The following EFNA5 variants were observed in gnomAD, a reference collection of about 807,000 sequenced individuals.
EFNA5 encodes ephrin-A5.
A neutral mutation model predicts 22.9 loss-of-function variants in EFNA5; 5 were observed. The ratio of observed to expected loss-of-function variants is 0.22; its 90% CI spans 0.11 to 0.46. The LOEUF (loss-of-function observed/expected upper bound fraction) is 0.46, where lower values mean the gene tolerates loss of function less well. Ranked by LOEUF, EFNA5 falls within the 20% of genes least tolerant of loss-of-function variation. The pLI is 0.99. For synonymous variants in EFNA5, 113 were observed against 112.2 expected, an observed-to-expected ratio of 1.01 and a Z score of -0.04; for missense variants, 237 against 293.3, an observed-to-expected ratio of 0.81 and a Z score of 1.40.
intron 1 of EFNA5, among the ~76,000 whole-genome samples, chr5:107,456,151 C>T (rs1202180818): frequency 6.6e-6 from 1 of 152,038 alleles, no homozygotes; most frequent in African/African-American, 2.4e-5. Flanking sequence ...TAATTAAGAG[C>T]TCTGGGGTGA....
intron 1 of EFNA5, among the ~76,000 whole-genome samples, chr5:107,507,520 A>G (rs1321600729): frequency 2.0e-5 from 3 of 152,172 alleles, no homozygotes; most frequent in Admixed American, 2.0e-4. Flanking sequence ...GAATGCAGGA[A>G]TGGATGAAGG....
At chr5:107,642,687 G>T (rs1306056013) in intron 1 of EFNA5, among the ~76,000 whole-genome samples, 5 of 152,110 alleles carry the variant, frequency 3.3e-5, no homozygotes, top group African/African-American at 1.2e-4. Context: ...GTAGAAGATG[G>T]TATGAGGAGA....
chr5:107,401,998 A>C (rs1025999047), intron 2 of EFNA5, among the ~76,000 whole-genome samples: 1 of 152,222 alleles, frequency 6.6e-6, no homozygotes, highest in Non-Finnish European at 1.5e-5. Flanking sequence ...CACTGCTGTG[A>C]GGTTTTGACT....
At chr5:107,638,624 G>A (rs187950332) in intron 1 of EFNA5, among the ~76,000 whole-genome samples, 8 of 152,146 alleles carry the variant, frequency 5.3e-5, no homozygotes, top group Non-Finnish European at 1.0e-4. Flanking sequence ...AGTAACCTGG[G>A]GATGATCTAG....
intron 1 of EFNA5, among the ~76,000 whole-genome samples, chr5:107,496,354 C>CAA (rs1161571717): frequency 1.6e-5 from 2 of 121,762 alleles, no homozygotes; most frequent in African/African-American, 6.5e-5. Context: ...AAAAAAAAAA[C>CAA]AAAAAAACAA....
At chr5:107,457,158 T>C (rs1219500396) in intron 1 of EFNA5, among the ~76,000 whole-genome samples, 1 of 152,170 alleles carries the variant, frequency 6.6e-6, no homozygotes, top group Non-Finnish European at 1.5e-5. Context: ...AGATGTAAAG[T>C]GTGTGAATTT....
chr5:107,422,347 A>C (rs1206624075), intron 2 of EFNA5, among the ~76,000 whole-genome samples: 1 of 152,256 alleles, frequency 6.6e-6, no homozygotes, highest in Non-Finnish European at 1.5e-5. Flanking sequence ...AAGCAGGAAC[A>C]GCTGTGAACA....
At chr5:107,607,496 C>T (rs539311329) in intron 1 of EFNA5, among the ~76,000 whole-genome samples, 33 of 152,232 alleles carry the variant, frequency 2.2e-4, no homozygotes, top group African/African-American at 7.7e-4. Context: ...ACCTTTAAAA[C>T]GAATTATATT....
intron 1 of EFNA5, among the ~76,000 whole-genome samples, chr5:107,584,332 C>T (rs550304165): frequency 2.0e-5 from 3 of 152,250 alleles, no homozygotes; most frequent in African/African-American, 7.2e-5. Flanking sequence ...CCTCTAAACG[C>T]CAAGGAGGCA....
Position 107,606,538 on chromosome 5 carries a change from A to ACC in EFNA5, c.125+63950_125+63951insGG, listed in dbSNP as rs1337614044. 2.7e-4 allele frequency among the ~76,000 whole-genome samples: 39 copies of ACC among 144,190 alleles called. No individual in the cohort carries two copies. The East Asian group carries it at 7.5e-3, about 28-fold the overall frequency. The allele number at this position is 144,190 out of a possible 152,430, so 94.6% of individuals were successfully genotyped here. On this transcript the variant is annotated intron_variant, in intron 1 of 4. Transcript: ENST00000333274. ...ATCATAGACACACACTTGCACGTAC[A>ACC]ACACACACACACACACACACACACA... is the stretch of plus-strand genomic sequence containing the variant.
At chr5:107,597,387 A>G (rs987894985) in intron 1 of EFNA5, among the ~76,000 whole-genome samples, 2 of 152,150 alleles carry the variant, frequency 1.3e-5, no homozygotes, top group Non-Finnish European at 1.5e-5. Context: ...TTACTTGGAA[A>G]TGGATTCATC....
At chr5:107,436,615 T>C (rs544949503) in intron 1 of EFNA5, among the ~76,000 whole-genome samples, 5 of 152,230 alleles carry the variant, frequency 3.3e-5, no homozygotes, top group African/African-American at 9.6e-5. Flanking sequence ...GTACTTCAGG[T>C]CTTAAGCCAG....
chr5:107,585,296 T>A (rs1051155679), intron 1 of EFNA5, among the ~76,000 whole-genome samples: 5 of 152,222 alleles, frequency 3.3e-5, no homozygotes, highest in African/African-American at 1.2e-4. Flanking sequence ...GACCCTCTCA[T>A]AGGCACCCAG....
intron 1 of EFNA5, among the ~76,000 whole-genome samples, chr5:107,445,396 G>A (rs1056928897): frequency 2.0e-5 from 3 of 152,146 alleles, no homozygotes; most frequent in Non-Finnish European, 4.4e-5. Flanking sequence ...GAGCACATAT[G>A]TGCTCTATTG....
At chr5:107,580,721 C>CAAAAA (rs56868732) in intron 1 of EFNA5, among the ~76,000 whole-genome samples, 46 of 82,788 alleles carry the variant, frequency 5.6e-4, no homozygotes, top group East Asian at 1.2e-3. Context: ...GACTCCATCT[C>CAAAAA]AAAAAAAAAA....
At chr5:107,530,579 A>C (rs984053088) in intron 1 of EFNA5, among the ~76,000 whole-genome samples, 3 of 152,252 alleles carry the variant, frequency 2.0e-5, no homozygotes, top group Non-Finnish European at 4.4e-5. Context: ...AAATATTGAA[A>C]AATTTGGAAA....
chr5:107,659,023 CTG>C (rs1410632158), intron 1 of EFNA5, among the ~76,000 whole-genome samples: 2 of 152,086 alleles, frequency 1.3e-5, no homozygotes, highest in African/African-American at 4.8e-5. Flanking sequence ...ATTTTATACT[CTG>C]TAATATAATT....
intron 1 of EFNA5, among the ~76,000 whole-genome samples, chr5:107,524,629 T>C (rs1269967875): frequency 1.3e-5 from 2 of 152,202 alleles, no homozygotes; most frequent in South Asian, 2.1e-4. Flanking sequence ...TGTGAAGTTA[T>C]TTGCTTCACT....
At chr5:107,558,190 G>A (rs1055813257) in intron 1 of EFNA5, among the ~76,000 whole-genome samples, 1 of 151,578 alleles carries the variant, frequency 6.6e-6, no homozygotes, top group Non-Finnish European at 1.5e-5. Context: ...CGAAATATTC[G>A]AAGTTAAGCC....
Sources: allele counts gnomAD v4.1 joint callset (sites outside exome capture counted in the v4.1 genomes callset), GRCh38; gene constraint gnomAD v4.1.1; transcripts MANE v1.5; gene names NCBI Gene and HGNC (gene_info 2026-07-23, HGNC 2026-07-21).